Variants in BIN1 observed in about 807,000 individuals in gnomAD.
The protein encoded by BIN1 is myc box-dependent-interacting protein 1.
Under a neutral mutation model 82.0 loss-of-function variants are expected in BIN1, and 53 were observed. The observed-to-expected ratio is 0.65, with a 90% CI of 0.52 to 0.81. BIN1 has a LOEUF of 0.81. BIN1 is among the 40% of genes least tolerant of loss of function. The pLI is 0.00. For synonymous variants in BIN1, 302 were observed against 328.0 expected (o/e 0.92, Z 0.86); for missense variants, 642 against 784.4 (o/e 0.82, Z 2.17).
intron 15 of BIN1, 59 bp from the exon 16 acceptor site, chr2:127,051,302 G>A: frequency 6.3e-7 from 1 of 1,577,964 alleles, no homozygotes; most frequent in South Asian, 1.1e-5. Context: ...CAGGACACAG[G>A]AAACAGGCCA....
Position 127,068,063 on chromosome 2 carries a change from G to A in BIN1, c.612+100C>T. ...GAGGCCTTTGAAAAACCCTGCCCCA[G>A]CTGGGCTCAGATGCCAGCCCTGCAT... On this transcript the variant is annotated intron_variant, in intron 7 of 18. Transcript: ENST00000316724. This position sits in a 1 kb window ranked among gnomAD's most constrained non-coding sequence, Gnocchi z 4.9. The A allele has an allele frequency of 8.0e-7, 1 of 1,249,188 alleles. No homozygotes were observed. The highest frequency in any genetic ancestry group is 1.1e-6 in the Non-Finnish European group (1 of 874,212). 77.4% of individuals were successfully genotyped at this position (1,249,188 alleles called of 1,614,324 possible).
At chr2:127,089,977 C>A (rs1191368540) in intron 1 of BIN1, among the ~76,000 whole-genome samples, 1 of 148,952 alleles carries the variant, frequency 6.7e-6, no homozygotes, top group Non-Finnish European at 1.5e-5. Context: ...TAGTCCCCAA[C>A]GCCCTACTCC....
chr2:127,063,482 G>T, intron 9 of BIN1, 89 bp downstream of exon 9: 1 of 1,366,566 alleles, frequency 7.3e-7, no homozygotes, highest in Non-Finnish European at 1.0e-6. Context: ...GGCAGGGAAG[G>T]AGGAGTTCAG....
chr2:127,050,520 T>C lies in BIN1; in HGVS notation c.1575A>G (p.Val525=), dbSNP rs763496411. 12 of 1,614,102 alleles carry C rather than the reference T, an allele frequency of 7.4e-6. No homozygotes were observed. The highest frequency in any genetic ancestry group is 1.0e-5 in the Non-Finnish European group (12 of 1,180,036). Residue 525 remains valine (V), a splice_region_variant and synonymous_variant, in exon 18 of 19, where the codon GTA becomes GTG. Coordinates refer to ENST00000316724, the MANE Select transcript of BIN1 (RefSeq NM_139343.3). ...TGGCCGTGTAGTCGTGCTGGGCCTG[T>C]ACCTGCAGAGGATGCGGATCGCAAG... ...LDLPPGFMFK[V]QAQHDYTATD...
At chr2:127,069,427 G>A (rs1002066577) in intron 5 of BIN1, among the ~76,000 whole-genome samples, 3 of 152,106 alleles carry the variant, frequency 2.0e-5, no homozygotes, top group Admixed American at 6.5e-5. Flanking sequence ...AGGGGATCTC[G>A]TCCAACCCAA....
intron 7 of BIN1, among the ~76,000 whole-genome samples, chr2:127,066,787 C>T (rs919031662): frequency 6.6e-6 from 1 of 152,182 alleles, no homozygotes; most frequent in Non-Finnish European, 1.5e-5. Context: ...ACTGGACAGC[C>T]AGGCCAGGAG....
chr2:127,102,334 G>A (rs764273765), intron 1 of BIN1, among the ~76,000 whole-genome samples: 20 of 152,200 alleles, frequency 1.3e-4, no homozygotes, highest in Non-Finnish European at 1.0e-4. Flanking sequence ...AGGGAGCCCC[G>A]ATGTGGTGAT....
intron 12 of BIN1, 165 bp from the exon 13 acceptor site, chr2:127,054,177 C>T (rs537790931): frequency 3.0e-6 from 2 of 665,908 alleles, no homozygotes; most frequent in East Asian, 2.7e-5. Context: ...TGGCACACAG[C>T]CCAGGCACCA....
chr2:127,054,962 G>T (rs1353969114), intron 12 of BIN1: 1 of 152,304 alleles, frequency 6.6e-6, no homozygotes, highest in Non-Finnish European at 1.5e-5. Flanking sequence ...GAGGAGCAGG[G>T]ACTGGCTCGG....
In BIN1 at chr2:127,093,106, G is replaced by T. The variant is rs918735297; in HGVS notation, c.84+13754C>A. On this transcript the variant is annotated intron_variant, in intron 1 of 18. Coordinates refer to ENST00000316724, the MANE Select transcript of BIN1 (RefSeq NM_139343.3). This position sits in a 1 kb window ranked among gnomAD's most constrained non-coding sequence, Gnocchi z 5.7. ...CGCTAGGGCTGTCCACAGAGAGAGG[G>T]GTCAGGGAGGGAGGGCGGAAGGGGA... Among the ~76,000 whole-genome samples the T allele has an allele frequency of 6.6e-6, 1 of 151,708 alleles. No homozygotes were observed. Among genetic ancestry groups the T allele is most frequent in the Non-Finnish European group, 1.5e-5 (1 of 68,020 alleles).
chr2:127,081,897 CG>C, intron 1 of BIN1: 1 of 1,281,270 alleles, frequency 7.8e-7, no homozygotes, highest in East Asian at 5.9e-5. Context: ...AGCCCTGTCT[CG>C]CCCCTTCCTC....
chr2:127,052,708 C>A (rs933230169), intron 14 of BIN1: 3 of 360,326 alleles, frequency 8.3e-6, no homozygotes, highest in Admixed American at 4.3e-5. Flanking sequence ...GGGCTGCCAG[C>A]GCATGCCCCA....
At chr2:127,069,157 C>T (rs1455969342) in intron 5 of BIN1, 126 bp from the exon 6 acceptor site, 1 of 856,218 alleles carries the variant, frequency 1.2e-6, no homozygotes, top group South Asian at 1.6e-5. Flanking sequence ...CCCTTGAGCC[C>T]TTGTTGCTGG....
chr2:127,075,254 G>T (rs1157574326), intron 2 of BIN1, among the ~76,000 whole-genome samples: 1 of 152,214 alleles, frequency 6.6e-6, no homozygotes, highest in Non-Finnish European at 1.5e-5. Flanking sequence ...GGATTGCATA[G>T]ATCTCTGTCA....
chr2:127,085,042 C>T lies in BIN1; in HGVS notation c.85-8336G>A, dbSNP rs181594860. ...CTTGTTCTCCCTCCATCCCCCGCCC[C>T]GCCCCACCCCAGAGCTGCTGCTTCA... is the stretch of plus-strand genomic sequence containing the variant. On this transcript the variant is annotated intron_variant, in intron 1 of 18. Coordinates refer to ENST00000316724, the MANE Select transcript of BIN1 (RefSeq NM_139343.3). 4.5e-3 allele frequency among the ~76,000 whole-genome samples: 691 copies of T among 152,282 alleles called. 8 individuals are homozygous for T. Among genetic ancestry groups the T allele is most frequent in the African/African-American group, 0.016 (654 of 41,558 alleles).
intron 2 of BIN1, among the ~76,000 whole-genome samples, chr2:127,072,825 A>G (rs987499668): frequency 1.3e-5 from 2 of 152,122 alleles, no homozygotes; most frequent in Non-Finnish European, 2.9e-5. Flanking sequence ...GGGCCGGGGA[A>G]TGAGGAAGGG....
chr2:127,048,622 C>A lies in BIN1; in HGVS notation c.1686G>T (p.Trp562Cys). 2 of 1,612,984 alleles carry A rather than the reference C, an allele frequency of 1.2e-6. No homozygotes were observed. The highest frequency in any genetic ancestry group is 1.3e-5 in the African/African-American group (1 of 75,004). The change falls in exon 19 of 19, where the codon TGG (tryptophan) becomes TGT (cysteine). Residue 562 changes from tryptophan (W) to cysteine (C), a missense_variant. Transcript: ENST00000316724. ...AGTCGCTCTCCTTCACGCCCATGAG[C>A]CAGCCTTCATCCTGAGGGGCAGAGC... Reference protein sequence around the residue: ...FQNPEEQDEGWLMGVKESDWN... With the variant: ...FQNPEEQDEGCLMGVKESDWN...
intron 12 of BIN1, 108 bp from the exon 13 acceptor site, chr2:127,054,120 T>A: frequency 1.2e-6 from 1 of 859,254 alleles, no homozygotes; most frequent in Non-Finnish European, 1.9e-6. Flanking sequence ...CACACACACA[T>A]ACACACACCA....
intron 7 of BIN1, among the ~76,000 whole-genome samples, chr2:127,065,253 T>A (rs1429943679): frequency 6.6e-6 from 1 of 152,086 alleles, no homozygotes; most frequent in Non-Finnish European, 1.5e-5. Context: ...GGGCGTGGGC[T>A]CCTTGCCTGG....
Sources: gnomAD v4.1 joint callset for allele counts (sites outside exome capture counted in the v4.1 genomes callset) on GRCh38, gnomAD v4.1.1 for gene constraint, Gnocchi (gnomAD v3.1) non-coding constraint, MANE v1.5 for transcripts, NCBI Gene and HGNC (gene_info 2026-07-23, HGNC 2026-07-21) for gene names.